Variants in TBCK observed in about 807,000 individuals in gnomAD.
TBCK encodes TBC1 domain containing kinase.
A neutral mutation model predicts 113.4 loss-of-function variants in TBCK; 99 were observed. The observed-to-expected ratio is 0.87, with a 90% CI of 0.74 to 1.03. The LOEUF (loss-of-function observed/expected upper bound fraction) is 1.03, where lower values mean the gene tolerates loss of function less well. TBCK is among the 50% of genes least tolerant of loss of function. The pLI, the probability that TBCK is intolerant of heterozygous loss-of-function variation, is 0.00. For missense variants in TBCK, 1,045 were observed against 1,061.3 expected (o/e 0.98, Z 0.21); for synonymous variants, 369 against 370.8 (o/e 1.00, Z 0.05).
Position 106,233,612 on chromosome 4 carries a change from G to C in TBCK, c.1488C>G (p.Asp496Glu). ...IHAKYDAIDK[D>E]TPIPTDRQIE... The stretch of plus-strand genomic sequence containing the variant: ...CTTGTCTATCTGTAGGAATTGGAGT[G>C]TCTTTATCAATTGCATCGTACTTGG... The change falls in exon 16 of 26, where the codon GAC becomes GAG. Residue 496 changes from aspartate (D) to glutamate (E), a missense_variant. By Grantham distance (45) the Asp-to-Glu change is conservative. Transcript: ENST00000394708. The C allele has an allele frequency of 6.2e-7, 1 of 1,611,394 alleles. No homozygotes were observed. Among genetic ancestry groups the C allele is most frequent in the Non-Finnish European group, 8.5e-7 (1 of 1,178,472 alleles).
Position 106,140,761 on chromosome 4 carries a change from T to A in TBCK, c.2236-24383A>T, listed in dbSNP as rs1353621412. ...CCCTCTCAAATCACAGGATTGCTCA[T>A]TCTATGAATTTCTGTAATATCTCCA... is the stretch of plus-strand genomic sequence containing the variant. On this transcript the variant is annotated intron_variant, in intron 23 of 25. Transcript: ENST00000394708. Among the ~76,000 whole-genome samples, 3 of 139,652 alleles carry A rather than the reference T, an allele frequency of 2.1e-5. 1 individual carries two copies. Among genetic ancestry groups the A allele is most frequent in the Non-Finnish European group, 4.9e-5 (3 of 61,448 alleles). The allele number at this position is 139,652 out of a possible 152,430, so 91.6% of individuals were successfully genotyped here.
chr4:106,146,248 T>C (rs756033457), intron 23 of TBCK, among the ~76,000 whole-genome samples: 4 of 152,124 alleles, frequency 2.6e-5, no homozygotes, highest in Admixed American at 2.0e-4. Context: ...TACATATACA[T>C]GGAATACTAT....
intron 5 of TBCK, among the ~76,000 whole-genome samples, chr4:106,258,515 TCAAAGCAAGC>T (rs942839439): frequency 2.0e-5 from 3 of 152,076 alleles, no homozygotes; most frequent in Admixed American, 2.0e-4. Flanking sequence ...GTCTAAGACT[TCAAAGCAAGC>T]CAGACCAAAG....
intron 23 of TBCK, among the ~76,000 whole-genome samples, chr4:106,148,004 C>T (rs1425792748): frequency 3.3e-5 from 5 of 152,120 alleles, no homozygotes; most frequent in South Asian, 2.1e-4. Context: ...CTTCTATGGT[C>T]GAGGCTGTAG....
intron 22 of TBCK, among the ~76,000 whole-genome samples, chr4:106,177,117 A>G (rs1751762962): frequency 6.6e-6 from 1 of 151,894 alleles, no homozygotes; most frequent in African/African-American, 2.4e-5. Context: ...GACTACAAGT[A>G]TACACCATCA....
chr4:106,074,999 G>T (rs533018492), intron 25 of TBCK, among the ~76,000 whole-genome samples: 1 of 152,358 alleles, frequency 6.6e-6, no homozygotes, highest in Non-Finnish European at 1.5e-5. Flanking sequence ...ATGGAAGTTA[G>T]CTTCCTGGGG....
intron 22 of TBCK, among the ~76,000 whole-genome samples, chr4:106,191,616 G>C (rs1285612704): frequency 6.6e-6 from 1 of 152,116 alleles, no homozygotes; most frequent in Non-Finnish European, 1.5e-5. Context: ...TCAATGCATT[G>C]AGATGTTAGG....
rs1227759341 is a variant in TBCK at position 106,043,001 on chromosome 4, C to T, written c.*3569G>A. Reference sequence around the variant, plus strand: ...CATAAAGAGGTCTTAATTAGAACTCCCACCCATAAGATCCAAAGCTATGTC... The same window carrying T: ...CATAAAGAGGTCTTAATTAGAACTCTCACCCATAAGATCCAAAGCTATGTC... On this transcript the variant is annotated 3_prime_UTR_variant, in exon 26 of 26. Transcript: ENST00000394708. 6.6e-6 allele frequency: 1 copy of T among 152,086 alleles called. No homozygotes were observed. The highest frequency in any genetic ancestry group is 2.4e-5 in the African/African-American group (1 of 41,410). The allele number at this position is 152,086 out of a possible 1,614,324, so 9.4% of individuals were successfully genotyped here. A position where few individuals can be genotyped will look rare whatever the true frequency, so the allele number is the denominator to read the frequency against.
chr4:106,053,038 A>G (rs1734976620), intron 25 of TBCK, among the ~76,000 whole-genome samples: 1 of 151,720 alleles, frequency 6.6e-6, no homozygotes, highest in South Asian at 2.1e-4. Flanking sequence ...ATAATCAAAT[A>G]TTCAGCAAGT....
chr4:106,094,606 C>T (rs1004487657), intron 25 of TBCK, among the ~76,000 whole-genome samples: 1 of 152,176 alleles, frequency 6.6e-6, no homozygotes, highest in East Asian at 1.9e-4. Flanking sequence ...TATTTTGTCT[C>T]CACTCCTGAT....
intron 22 of TBCK, among the ~76,000 whole-genome samples, chr4:106,173,977 C>T (rs978095647): frequency 6.6e-6 from 1 of 152,046 alleles, no homozygotes; most frequent in Non-Finnish European, 1.5e-5. Flanking sequence ...AAAATAACTT[C>T]TCTAAATCTA....
At chr4:106,161,901 T>C (rs1056694757) in intron 23 of TBCK, among the ~76,000 whole-genome samples, 1 of 152,094 alleles carries the variant, frequency 6.6e-6, no homozygotes, top group Non-Finnish European at 1.5e-5. Context: ...CATGTTTCCA[T>C]CCCAGCCACT....
chr4:106,139,734 T>C (rs1244158834), intron 23 of TBCK, among the ~76,000 whole-genome samples: 1 of 141,476 alleles, frequency 7.1e-6, no homozygotes, highest in Admixed American at 7.0e-5. Context: ...ACATATATTA[T>C]GGAATATGAA....
intron 3 of TBCK, among the ~76,000 whole-genome samples, chr4:106,264,657 CCTAG>C (rs1762816975): frequency 6.6e-6 from 1 of 151,872 alleles, no homozygotes. Context: ...CCACTTAAAC[CCTAG>C]CTGTCAAGAG....
chr4:106,062,245 A>G lies in TBCK; in HGVS notation c.2572-15565T>C, dbSNP rs564030781. Among the ~76,000 whole-genome samples, 39 of 152,026 alleles carry G rather than the reference A, an allele frequency of 2.6e-4. No homozygotes were observed. In the South Asian group the frequency reaches 7.9e-3, roughly 31 times the overall value. On this transcript the variant is annotated intron_variant, in intron 25 of 25. Coordinates refer to ENST00000394708, the MANE Select transcript of TBCK (RefSeq NM_001163435.3). ...TGGAAATTTTTTTGAAAAGCAAACT[A>G]TGATAGAAAAGTTTGCTTGAAAACA...
At chr4:106,222,173 T>C (rs563362382) in intron 19 of TBCK, among the ~76,000 whole-genome samples, 43 of 152,116 alleles carry the variant, frequency 2.8e-4, no homozygotes, top group Middle Eastern at 3.4e-3. Context: ...ATCTATCTAA[T>C]ATAAATTTTC....
At chr4:106,092,672 GC>G (rs1740430328) in intron 25 of TBCK, among the ~76,000 whole-genome samples, 1 of 152,210 alleles carries the variant, frequency 6.6e-6, no homozygotes, top group African/African-American at 2.4e-5. Flanking sequence ...CCCAGAGCCG[GC>G]CGGCTGCTCC....
intron 25 of TBCK, among the ~76,000 whole-genome samples, chr4:106,080,130 T>C (rs1738684172): frequency 6.6e-6 from 1 of 152,118 alleles, no homozygotes; most frequent in African/African-American, 2.4e-5. Flanking sequence ...AGATTCAACA[T>C]TATTCCTGTG....
chr4:106,196,800 C>T (rs1754291363), intron 20 of TBCK, among the ~76,000 whole-genome samples: 1 of 152,084 alleles, frequency 6.6e-6, no homozygotes, highest in African/African-American at 2.4e-5. Context: ...TATTCAACAT[C>T]TCTTTTAAAG....
Sources: allele counts gnomAD v4.1 joint callset (sites outside exome capture counted in the v4.1 genomes callset), GRCh38; gene constraint gnomAD v4.1.1; transcripts MANE v1.5; gene names NCBI Gene and HGNC (gene_info 2026-07-23, HGNC 2026-07-21).